AGAP1: variants seen among roughly 807,000 people sequenced by gnomAD.
AGAP1 encodes ArfGAP with GTPase domain, ankyrin repeat and PH domain 1, also known as arf-GAP with GTPase, ANK repeat and PH domain-containing protein 1.
Under a neutral mutation model 105.3 loss-of-function variants are expected in AGAP1, and 29 were observed. The ratio of observed to expected loss-of-function variants is 0.28; its 90% CI spans 0.21 to 0.38. The LOEUF (loss-of-function observed/expected upper bound fraction) is 0.38. AGAP1 is among the 10% of genes least tolerant of loss of function. The probability of loss-of-function intolerance (pLI) is 1.00; values close to 1 mark genes in which losing one functional copy is unlikely to be tolerated. For synonymous variants in AGAP1, 509 were observed against 485.9 expected (o/e 1.05, Z -0.63); for missense variants, 998 against 1,165.1 (o/e 0.86, Z 2.09).
At chr2:235,727,375 T>G (rs1353824646) in intron 3 of AGAP1, among the ~76,000 whole-genome samples, 1 of 152,068 alleles carries the variant, frequency 6.6e-6, no homozygotes, top group Non-Finnish European at 1.5e-5. Flanking sequence ...GCAGTTCTCT[T>G]TCCTAATTCA....
At chr2:235,997,035 G>A (rs2055846189) in intron 13 of AGAP1, among the ~76,000 whole-genome samples, 1 of 152,202 alleles carries the variant, frequency 6.6e-6, no homozygotes, top group African/African-American at 2.4e-5. Flanking sequence ...ATGAAGACAG[G>A]AGTGTGTGTG....
chr2:235,699,108 C>T (rs916261478), intron 1 of AGAP1, among the ~76,000 whole-genome samples: 1 of 144,712 alleles, frequency 6.9e-6, no homozygotes, highest in Non-Finnish European at 1.5e-5. Context: ...ACAGGAGGGA[C>T]GGGGAGGCAG....
chr2:235,797,995 G>A, intron 7 of AGAP1, 109 bp downstream of exon 7: 1 of 1,332,982 alleles, frequency 7.5e-7, no homozygotes, highest in Non-Finnish European at 1.0e-6. Context: ...AACTTTATAA[G>A]TAACAGCATG....
At chr2:236,010,808 G>A (rs940779341) in intron 13 of AGAP1, among the ~76,000 whole-genome samples, 5 of 152,166 alleles carry the variant, frequency 3.3e-5, no homozygotes, top group African/African-American at 1.2e-4. Flanking sequence ...TAGAGTTTGG[G>A]AGTGAGTCTC....
intron 12 of AGAP1, among the ~76,000 whole-genome samples, chr2:235,955,064 G>A (rs944416032): frequency 3.9e-5 from 6 of 152,152 alleles, no homozygotes; most frequent in East Asian, 1.9e-4. Flanking sequence ...GGGTGAGGCC[G>A]GTTGAGGGTA....
At chr2:235,727,425 G>T (rs1458509181) in intron 3 of AGAP1, among the ~76,000 whole-genome samples, 1 of 152,092 alleles carries the variant, frequency 6.6e-6, no homozygotes. Context: ...TTGAACTTGG[G>T]TGCTAAAGGA....
At chr2:235,767,166 C>A (rs569819386) in intron 6 of AGAP1, among the ~76,000 whole-genome samples, 1 of 152,142 alleles carries the variant, frequency 6.6e-6, no homozygotes, top group Non-Finnish European at 1.5e-5. Context: ...CCACCTTGGC[C>A]TCCCAAAGTG....
At chr2:235,948,431 C>A (rs1287686242) in intron 12 of AGAP1, among the ~76,000 whole-genome samples, 1 of 152,182 alleles carries the variant, frequency 6.6e-6, no homozygotes, top group African/African-American at 2.4e-5. Context: ...GTGTTCCCCC[C>A]ACCTCCATCT....
At chr2:235,881,734 T>G (rs10168947) in intron 9 of AGAP1, among the ~76,000 whole-genome samples, 2 of 152,126 alleles carry the variant, frequency 1.3e-5, no homozygotes, top group African/African-American at 4.8e-5. Flanking sequence ...TAGAGCAAGG[T>G]TTGCTGGGAA....
chr2:235,500,289 A>C (rs1941504945), intron 1 of AGAP1, among the ~76,000 whole-genome samples: 1 of 152,038 alleles, frequency 6.6e-6, no homozygotes, highest in Admixed American at 6.6e-5. Context: ...CCGAGAGCAA[A>C]CGTGAGTGTG....
Position 235,614,369 on chromosome 2 carries a change from C to G in AGAP1, c.164-94810C>G, listed in dbSNP as rs1053488566. Among the ~76,000 whole-genome samples the G allele has an allele frequency of 3.9e-5, 6 of 152,104 alleles. No individual in the cohort carries two copies. The highest frequency in any genetic ancestry group is 9.7e-5 in the African/African-American group (4 of 41,392). ...TTCTAGGGAGCCGCTGCTCTTGCTT[C>G]AGGTCTCAGATGGCATAGGAGTGTG... On this transcript the variant is annotated intron_variant, in intron 1 of 17. Coordinates refer to ENST00000304032, the MANE Select transcript of AGAP1 (RefSeq NM_001037131.3). This position sits in a 1 kb window ranked among gnomAD's most constrained non-coding sequence, Gnocchi z 4.7.
intron 1 of AGAP1, among the ~76,000 whole-genome samples, chr2:235,603,131 G>A (rs1295682549): frequency 2.0e-5 from 3 of 152,160 alleles, no homozygotes; most frequent in East Asian, 3.9e-4. Context: ...CATGAGGGTG[G>A]TTTCCCCCAT....
chr2:235,953,905 G>A lies in AGAP1; in HGVS notation c.1484-14557G>A, dbSNP rs2053843063. 6.6e-6 allele frequency among the ~76,000 whole-genome samples: 1 copy of A among 151,716 alleles called. No individual in the cohort carries two copies. The highest frequency in any genetic ancestry group is 1.5e-5 in the Non-Finnish European group (1 of 67,952). The stretch of plus-strand genomic sequence containing the variant: ...TGCCACTGCACTCCAGCCTGGTGAG[G>A]GTGAGACATTGTCTGAAAAAGAAAA... On this transcript the variant is annotated intron_variant, in intron 12 of 17. Coordinates refer to ENST00000304032, the MANE Select transcript of AGAP1 (RefSeq NM_001037131.3). The surrounding 1 kb of genome is among the most constrained non-coding windows in gnomAD (Gnocchi z 5.2).
At chr2:236,063,427 C>G (rs553399825) in intron 16 of AGAP1, among the ~76,000 whole-genome samples, 11 of 152,246 alleles carry the variant, frequency 7.2e-5, no homozygotes, top group African/African-American at 2.6e-4. Context: ...GTGGGAAAGA[C>G]AAGCATCCAT....
chr2:235,975,083 T>G (rs1292392463), intron 13 of AGAP1, among the ~76,000 whole-genome samples: 1 of 152,232 alleles, frequency 6.6e-6, no homozygotes, highest in Non-Finnish European at 1.5e-5. Flanking sequence ...TAGCACATAA[T>G]GGTTATCTTA....
intron 11 of AGAP1, among the ~76,000 whole-genome samples, chr2:235,922,963 C>G (rs1036751741): frequency 6.6e-6 from 1 of 152,172 alleles, no homozygotes; most frequent in African/African-American, 2.4e-5. Flanking sequence ...TGGAAGCTTG[C>G]ACTAATCAAG....
Position 236,044,523 on chromosome 2 carries a change from C to T in AGAP1, c.1891+3682C>T, listed in dbSNP as rs1193803953. ...CTGCTGCGTGGACCTCACAGGTGCC[C>T]CTCTCTCCTGGGCCTTTCTCATGTC... On this transcript the variant is annotated intron_variant, in intron 15 of 17. Coordinates refer to ENST00000304032, the MANE Select transcript of AGAP1 (RefSeq NM_001037131.3). The surrounding 1 kb of genome is among the most constrained non-coding windows in gnomAD (Gnocchi z 5.7). Among the ~76,000 whole-genome samples, 1 of 151,972 alleles carries T rather than the reference C, an allele frequency of 6.6e-6. No homozygotes were observed. The highest frequency in any genetic ancestry group is 1.5e-5 in the Non-Finnish European group (1 of 67,998).
intron 16 of AGAP1, among the ~76,000 whole-genome samples, chr2:236,074,612 G>A (rs2058589303): frequency 6.6e-6 from 1 of 152,112 alleles, no homozygotes; most frequent in Non-Finnish European, 1.5e-5. Flanking sequence ...CAAAATAAAT[G>A]TGTAAAAATG....
At chr2:235,675,011 T>C (rs1948649927) in intron 1 of AGAP1, among the ~76,000 whole-genome samples, 1 of 151,694 alleles carries the variant, frequency 6.6e-6, no homozygotes, top group Non-Finnish European at 1.5e-5. Context: ...TTTTATTTTT[T>C]AAACCATTTA....
Sources: gnomAD v4.1 joint callset for allele counts (sites outside exome capture counted in the v4.1 genomes callset) on GRCh38, gnomAD v4.1.1 for gene constraint, Gnocchi (gnomAD v3.1) non-coding constraint, MANE v1.5 for transcripts, NCBI Gene and HGNC (gene_info 2026-07-23, HGNC 2026-07-21) for gene names.